The following DNAJC6 variants were observed in gnomAD, a reference collection of about 807,000 sequenced individuals.
DNAJC6 encodes the protein auxilin.
In DNAJC6, 34 loss-of-function variants were observed where a neutral mutation model predicts 110.0. The ratio of observed to expected loss-of-function variants is 0.31; its 90% CI spans 0.24 to 0.41. DNAJC6 has a LOEUF of 0.41. DNAJC6 is among the 10% of genes least tolerant of loss of function. The pLI is 1.00. For synonymous variants in DNAJC6, 406 were observed against 437.2 expected, an observed-to-expected ratio of 0.93 and a Z score of 0.89; for missense variants, 1,031 against 1,207.8, an observed-to-expected ratio of 0.85 and a Z score of 2.17.
intron 1 of DNAJC6, among the ~76,000 whole-genome samples, chr1:65,310,537 C>T (rs1645089636): frequency 1.3e-5 from 2 of 152,138 alleles, no homozygotes; most frequent in Non-Finnish European, 2.9e-5. Flanking sequence ...TTACTGTTTG[C>T]ACAATGAAAT....
intron 1 of DNAJC6, among the ~76,000 whole-genome samples, chr1:65,349,107 A>T (rs12023812): frequency 0.7 from 95,347 of 135,656 alleles, 34,575 homozygotes; most frequent in African/African-American, 0.89. Flanking sequence ...TATATAAATA[A>T]ATATGTAAAT....
chr1:65,271,425 C>T (rs147725288), intron 1 of DNAJC6, among the ~76,000 whole-genome samples: 48 of 152,288 alleles, frequency 3.2e-4, no homozygotes, highest in African/African-American at 1.1e-3. Flanking sequence ...GCCCCCACCT[C>T]CCAGCCTCTA....
intron 1 of DNAJC6, among the ~76,000 whole-genome samples, chr1:65,343,125 T>A (rs1310973243): frequency 6.6e-6 from 1 of 152,194 alleles, no homozygotes. Flanking sequence ...CCCAGTTCTG[T>A]GAGGAAACAC....
rs768774193 is a variant in DNAJC6 at position 65,401,887 on chromosome 1, A to G, written c.2227+7A>G. The G allele has an allele frequency of 1.2e-6, 2 of 1,612,328 alleles. No homozygotes were observed. The highest frequency in any genetic ancestry group is 1.7e-6 in the Non-Finnish European group (2 of 1,179,608). The stretch of plus-strand genomic sequence containing the variant: ...GCCGACCTTGGGACACTAGGTACAA[A>G]CTCAGAAGATCAAGATACAAATAAC... On this transcript the variant is annotated splice_region_variant and intron_variant, in intron 15 of 18. Coordinates refer to ENST00000371069, the MANE Select transcript of DNAJC6 (RefSeq NM_001256864.2).
intron 1 of DNAJC6, among the ~76,000 whole-genome samples, chr1:65,320,278 T>C (rs761913263): frequency 9.9e-5 from 15 of 152,232 alleles, no homozygotes; most frequent in Non-Finnish European, 2.1e-4. Flanking sequence ...TAGCTCACCA[T>C]TTCTTCCCCT....
chr1:65,394,941 T>C lies in DNAJC6; in HGVS notation c.1947T>C (p.Gly649=), dbSNP rs541147427. The change falls in exon 13 of 19, where the codon GGT becomes GGC. Residue 649 remains glycine (G), a synonymous_variant. Transcript: ENST00000371069. The part of the protein sequence containing the change: ...DPFGAPSKPS[G]QDLLGSFLNT... ...TTGGAGCACCTTCTAAACCATCAGG[T>C]CAGGATTTGCTGGGTTCTTTTCTGA... 4 of 1,611,416 alleles carry C rather than the reference T, an allele frequency of 2.5e-6. No homozygotes were observed. In the South Asian group the frequency reaches 3.3e-5, roughly 13 times the overall value.
chr1:65,287,936 A>C (rs1469844298), intron 1 of DNAJC6, among the ~76,000 whole-genome samples: 1 of 152,192 alleles, frequency 6.6e-6, no homozygotes, highest in South Asian at 2.1e-4. Context: ...ATTACATCCC[A>C]TGAAGTGCTG....
At chr1:65,371,454 A>C (rs1645704902) in intron 4 of DNAJC6, among the ~76,000 whole-genome samples, 1 of 152,182 alleles carries the variant, frequency 6.6e-6, no homozygotes, top group Non-Finnish European at 1.5e-5. Flanking sequence ...TAGAGTCATC[A>C]TGCAGTAAGT....
chr1:65,358,045 G>T (rs1483065376), intron 1 of DNAJC6, among the ~76,000 whole-genome samples: 1 of 151,918 alleles, frequency 6.6e-6, no homozygotes, highest in Non-Finnish European at 1.5e-5. Context: ...TGGGCATGGT[G>T]GCGGGCACCT....
At chr1:65,326,088 C>T (rs1399178876) in intron 1 of DNAJC6, among the ~76,000 whole-genome samples, 1 of 152,186 alleles carries the variant, frequency 6.6e-6, no homozygotes, top group East Asian at 1.9e-4. Flanking sequence ...ATGAGAACAG[C>T]AGCTCTTGTT....
chr1:65,311,914 A>G (rs1421738402), intron 1 of DNAJC6, among the ~76,000 whole-genome samples: 1 of 152,182 alleles, frequency 6.6e-6, no homozygotes, highest in Non-Finnish European at 1.5e-5. Flanking sequence ...GGAACACAGT[A>G]GTGAATGAGA....
intron 1 of DNAJC6, among the ~76,000 whole-genome samples, chr1:65,290,611 G>T (rs1031731603): frequency 6.6e-6 from 1 of 152,092 alleles, no homozygotes; most frequent in Non-Finnish European, 1.5e-5. Context: ...CTTCGGCAAG[G>T]CAGTTAGCAT....
intron 2 of DNAJC6, among the ~76,000 whole-genome samples, chr1:65,365,504 CATTT>C (rs963303854): frequency 1.3e-5 from 2 of 152,118 alleles, no homozygotes; most frequent in African/African-American, 4.8e-5. Context: ...AAAATGGTGT[CATTT>C]ATTTTTTCTC....
chr1:65,289,663 C>A (rs1157528816), intron 1 of DNAJC6, among the ~76,000 whole-genome samples: 1 of 152,200 alleles, frequency 6.6e-6, no homozygotes, highest in Non-Finnish European at 1.5e-5. Context: ...TAGACTTTCC[C>A]AGCCACCAGA....
chr1:65,341,203 C>G (rs138420935), intron 1 of DNAJC6, among the ~76,000 whole-genome samples: 10 of 152,314 alleles, frequency 6.6e-5, no homozygotes, highest in African/African-American at 2.4e-4. Context: ...ATACCAGACA[C>G]CAAAGGGCTG....
chr1:65,275,489 G>A (rs778147960), intron 1 of DNAJC6, among the ~76,000 whole-genome samples: 3 of 152,024 alleles, frequency 2.0e-5, no homozygotes, highest in South Asian at 2.1e-4. Flanking sequence ...TTTTTTCTTC[G>A]GCTGTTGTTA....
At chr1:65,342,050 C>G (rs1194675346) in intron 1 of DNAJC6, among the ~76,000 whole-genome samples, 2 of 152,154 alleles carry the variant, frequency 1.3e-5, no homozygotes, top group Non-Finnish European at 2.9e-5. Flanking sequence ...GAGCAGACAT[C>G]AGGCCAAGGT....
upstream of DNAJC6, among the ~76,000 whole-genome samples, chr1:65,305,246 A>G (rs1371270567): frequency 2.0e-5 from 3 of 152,256 alleles, no homozygotes; most frequent in Admixed American, 2.0e-4. Flanking sequence ...GTCACAGTGT[A>G]TAGGACATTC....
At position 65,414,647 on chromosome 1, in the gene DNAJC6, T is replaced by C. The variant is rs191722489; in HGVS notation, c.*1622T>C. On this transcript the variant is annotated 3_prime_UTR_variant, in exon 19 of 19. Coordinates refer to ENST00000371069, the MANE Select transcript of DNAJC6 (RefSeq NM_001256864.2). ...TATTTATTTTACCTTTTACTGACAA[T>C]GTGAAACTCGAAGAAAATGTTCTCT... 3.3e-5 allele frequency: 5 copies of C among 152,642 alleles called. No homozygotes were observed. Among genetic ancestry groups the C allele is most frequent in the African/African-American group, 7.2e-5 (3 of 41,472 alleles). 9.5% of individuals were successfully genotyped at this position (152,642 alleles called of 1,614,324 possible). A position where few individuals can be genotyped will look rare whatever the true frequency, so the allele number is the denominator to read the frequency against.
Sources: allele counts gnomAD v4.1 joint callset (sites outside exome capture counted in the v4.1 genomes callset), GRCh38; gene constraint gnomAD v4.1.1; transcripts MANE v1.5; gene names NCBI Gene and HGNC (gene_info 2026-07-23, HGNC 2026-07-21).